MYO3B: variants seen among roughly 807,000 people sequenced by gnomAD.
MYO3B encodes myosin-IIIb.
Under a neutral mutation model 174.6 loss-of-function variants are expected in MYO3B, and 156 were observed. The observed-to-expected ratio is 0.89, with a 90% confidence interval of 0.78 to 1.02. The LOEUF (loss-of-function observed/expected upper bound fraction) is 1.02. Ranked by LOEUF, MYO3B falls within the 50% of genes least tolerant of loss-of-function variation. The probability of loss-of-function intolerance (pLI) is 0.00; values close to 1 mark genes in which losing one functional copy is unlikely to be tolerated. For synonymous variants in MYO3B, 563 were observed against 569.1 expected (o/e 0.99, Z 0.15); for missense variants, 1,632 against 1,639.4 (o/e 1.00, Z 0.08).
At chr2:170,590,047 G>A (rs759379) in intron 32 of MYO3B, among the ~76,000 whole-genome samples, 1 of 152,170 alleles carries the variant, frequency 6.6e-6, no homozygotes, top group African/African-American at 2.4e-5. Context: ...ACCTAGGTAT[G>A]TAGTAGGCTG....
At chr2:170,621,800 G>A (rs1029184342) in intron 32 of MYO3B, among the ~76,000 whole-genome samples, 10 of 152,024 alleles carry the variant, frequency 6.6e-5, no homozygotes, top group Non-Finnish European at 1.0e-4. Flanking sequence ...TGAGCCACCA[G>A]GCATTAGCCA....
rs1287733064 is a variant in MYO3B at position 170,644,284 on chromosome 2, CT to C, written c.3734-7332del. On this transcript the variant is annotated intron_variant, in intron 32 of 34. Transcript: ENST00000408978. ...AATTCAAATCTATCTAACTGTGTGT[CT>C]TTTTTTTTTTTCTTTTTTGAGATGA... Among the ~76,000 whole-genome samples, 537 of 145,320 alleles carry C rather than the reference CT, an allele frequency of 3.7e-3. 1 individual carries two copies. Among genetic ancestry groups the C allele is most frequent in the Middle Eastern group, 0.011 (3 of 282 alleles).
In MYO3B at chr2:170,542,940, G is replaced by T; in HGVS notation, c.3610G>T (p.Asp1204Tyr). Residue 1204 changes from aspartate to tyrosine, a missense_variant, in exon 31 of 35, where the codon GAT becomes TAT. Coordinates refer to ENST00000408978, the MANE Select transcript of MYO3B (RefSeq NM_138995.5). ...AGCCCAGAGTTCTCCAAAAGGGTGC[G>T]ATATCTTCGCAGGACATGCAAACAA... is the stretch of plus-strand genomic sequence containing the variant. ...SQAQSSPKGC[D>Y]IFAGHANKHS... is the part of the protein sequence containing the mutation. 6.2e-7 allele frequency: 1 copy of T among 1,609,900 alleles called. No homozygotes were observed. Among genetic ancestry groups the T allele is most frequent in the Non-Finnish European group, 8.5e-7 (1 of 1,177,788 alleles).
chr2:170,294,365 A>G (rs10930418), intron 7 of MYO3B, among the ~76,000 whole-genome samples: 101,429 of 150,806 alleles, frequency 0.67, 34,277 homozygotes, highest in Admixed American at 0.73. Flanking sequence ...ATTTGGATAT[A>G]TTTATTTTCA....
intron 8 of MYO3B, among the ~76,000 whole-genome samples, chr2:170,364,639 T>C (rs1347534350): frequency 2.6e-5 from 4 of 152,232 alleles, no homozygotes; most frequent in Non-Finnish European, 4.4e-5. Context: ...TACTTGTTTG[T>C]TCTCCAAATC....
chr2:170,265,398 T>C (rs1316715958), intron 7 of MYO3B, among the ~76,000 whole-genome samples: 3 of 152,262 alleles, frequency 2.0e-5, no homozygotes, highest in African/African-American at 7.2e-5. Flanking sequence ...ACCTACATTA[T>C]ATGTGAATTT....
chr2:170,638,109 T>TCTCA (rs367583645), intron 32 of MYO3B, among the ~76,000 whole-genome samples: 4 of 150,526 alleles, frequency 2.7e-5, no homozygotes, highest in East Asian at 2.0e-4. Flanking sequence ...TCTCTCTCTC[T>TCTCA]CACACACACA....
At chr2:170,562,296 A>G (rs1247287015) in intron 32 of MYO3B, among the ~76,000 whole-genome samples, 1 of 152,210 alleles carries the variant, frequency 6.6e-6, no homozygotes, top group African/African-American at 2.4e-5. Context: ...GTATAAACTT[A>G]GATGTTAACC....
At chr2:170,241,261 G>A (rs914761861) in intron 7 of MYO3B, among the ~76,000 whole-genome samples, 9 of 152,134 alleles carry the variant, frequency 5.9e-5, no homozygotes, top group African/African-American at 2.2e-4. Flanking sequence ...GGAAGCAATA[G>A]AATAGCTGAA....
At chr2:170,612,093 G>A (rs1695158733) in intron 32 of MYO3B, among the ~76,000 whole-genome samples, 1 of 152,178 alleles carries the variant, frequency 6.6e-6, no homozygotes, top group African/African-American at 2.4e-5. Context: ...GGAGAGCCTG[G>A]ACTCAGCCAC....
intron 7 of MYO3B, among the ~76,000 whole-genome samples, chr2:170,277,129 G>A (rs1004872199): frequency 6.6e-6 from 1 of 152,132 alleles, no homozygotes; most frequent in African/African-American, 2.4e-5. Context: ...TGAGAAGGAG[G>A]CCCCTGCTCT....
chr2:170,469,598 C>A (rs1464695074), intron 25 of MYO3B, among the ~76,000 whole-genome samples: 1 of 152,176 alleles, frequency 6.6e-6, no homozygotes, highest in Non-Finnish European at 1.5e-5. Flanking sequence ...TTCACTCTCT[C>A]TCTTCCAGAA....
At chr2:170,630,339 G>A (rs895276152) in intron 32 of MYO3B, among the ~76,000 whole-genome samples, 1 of 152,192 alleles carries the variant, frequency 6.6e-6, no homozygotes, top group African/African-American at 2.4e-5. Flanking sequence ...GGCAAGCCTG[G>A]CTGGTGGAGG....
chr2:170,184,593 G>A (rs2092440837), intron 1 of MYO3B, among the ~76,000 whole-genome samples: 1 of 152,094 alleles, frequency 6.6e-6, no homozygotes, highest in South Asian at 2.1e-4. Context: ...ATCTGCTGAT[G>A]AACACTTAGG....
chr2:170,288,591 T>A (rs2093574032), intron 7 of MYO3B, among the ~76,000 whole-genome samples: 1 of 152,106 alleles, frequency 6.6e-6, no homozygotes, highest in Non-Finnish European at 1.5e-5. Flanking sequence ...TTACTGAATT[T>A]GTTTATTAGA....
intron 9 of MYO3B, among the ~76,000 whole-genome samples, chr2:170,375,721 G>GCACA (rs60928016): frequency 0.56 from 83,386 of 148,598 alleles, 25,102 homozygotes; most frequent in East Asian, 0.71. Context: ...GTGCATGCAT[G>GCACA]CACACACACA....
At chr2:170,433,915 T>C (rs2094730576) in intron 22 of MYO3B, among the ~76,000 whole-genome samples, 2 of 152,246 alleles carry the variant, frequency 1.3e-5, no homozygotes, top group Admixed American at 6.5e-5. Context: ...CATTAGGTCA[T>C]GTCCAAGTGG....
chr2:170,323,161 G>C (rs2093841413), intron 7 of MYO3B, among the ~76,000 whole-genome samples: 1 of 152,166 alleles, frequency 6.6e-6, no homozygotes, highest in Non-Finnish European at 1.5e-5. Context: ...GGTGCTTGTT[G>C]AACTGTGACG....
intron 7 of MYO3B, among the ~76,000 whole-genome samples, chr2:170,290,686 T>A (rs985075446): frequency 6.6e-6 from 1 of 152,164 alleles, no homozygotes; most frequent in Non-Finnish European, 1.5e-5. Flanking sequence ...TCAGTGTTAT[T>A]ATTGATAAGT....
Sources: gnomAD v4.1 joint callset for allele counts (sites outside exome capture counted in the v4.1 genomes callset) on GRCh38, gnomAD v4.1.1 for gene constraint, MANE v1.5 for transcripts, NCBI Gene and HGNC (gene_info 2026-07-23, HGNC 2026-07-21) for gene names.